KIF13A: variants seen among roughly 807,000 people sequenced by gnomAD.
KIF13A encodes the protein kinesin-like protein KIF13A.
In KIF13A, 79 loss-of-function variants were observed where a neutral mutation model predicts 212.2. That is an observed-to-expected ratio of 0.37 (90% CI 0.31 to 0.45). The LOEUF (loss-of-function observed/expected upper bound fraction) is 0.45. Among genes scored for constraint, KIF13A ranks in the 20% least tolerant of loss-of-function variants. KIF13A has a pLI of 1.00. For synonymous variants in KIF13A, 789 were observed against 808.6 expected (o/e 0.98, Z 0.41); for missense variants, 1,901 against 2,209.0 (o/e 0.86, Z 2.79).
In KIF13A at chr6:17,846,252, G is replaced by A. The variant is rs149631639; in HGVS notation, c.830+3125C>T. On this transcript the variant is annotated intron_variant, in intron 9 of 38. Transcript: ENST00000259711. Reference sequence around the variant, plus strand: ...ACTACAGGGGTGAGCCACTGCACCCGGCCAAGGCATACTAAATGTTTGCTG... The same window carrying A: ...ACTACAGGGGTGAGCCACTGCACCCAGCCAAGGCATACTAAATGTTTGCTG... 2.5e-3 allele frequency among the ~76,000 whole-genome samples: 376 copies of A among 151,630 alleles called. 3 individuals carry two copies. Among genetic ancestry groups the A allele is most frequent in the African/African-American group, 8.5e-3 (351 of 41,344 alleles).
intron 2 of KIF13A, among the ~76,000 whole-genome samples, chr6:17,979,511 G>A (rs1425712665): frequency 1.3e-5 from 2 of 152,136 alleles, no homozygotes; most frequent in Non-Finnish European, 2.9e-5. Context: ...AAATGCTTTT[G>A]GTGTGTGGGG....
intron 2 of KIF13A, among the ~76,000 whole-genome samples, chr6:17,932,504 T>C (rs1776075544): frequency 6.6e-6 from 1 of 152,224 alleles, no homozygotes; most frequent in African/African-American, 2.4e-5. Flanking sequence ...ATAAGGAACA[T>C]CTGCATTAGC....
chr6:17,952,614 C>T (rs928945212), intron 2 of KIF13A, among the ~76,000 whole-genome samples: 1 of 151,072 alleles, frequency 6.6e-6, no homozygotes, highest in Non-Finnish European at 1.5e-5. Context: ...GCACTCCAGT[C>T]TGGGTGACAG....
intron 2 of KIF13A, among the ~76,000 whole-genome samples, chr6:17,925,175 C>T (rs534604878): frequency 2.6e-5 from 4 of 152,200 alleles, no homozygotes; most frequent in Admixed American, 1.3e-4. Flanking sequence ...CTGAGGCAAG[C>T]GCATGCCTGG....
At position 17,911,868 on chromosome 6, in the gene KIF13A, G is replaced by C. The variant is rs574628167; in HGVS notation, c.147-13688C>G. On this transcript the variant is annotated intron_variant, in intron 2 of 38. Transcript: ENST00000259711. The stretch of plus-strand genomic sequence containing the variant: ...CAACCTCCACCTCCCGGGTTCAAGC[G>C]ATTCTCGTGAGTCAGCATCCCAAGT... 1.5e-4 allele frequency among the ~76,000 whole-genome samples: 23 copies of C among 151,700 alleles called. 1 individual carries two copies. In the South Asian group the frequency reaches 2.5e-3, roughly 16 times the overall value.
chr6:17,833,828 C>G (rs1265201336), intron 12 of KIF13A, 133 bp downstream of exon 12: 7 of 497,344 alleles, frequency 1.4e-5, no homozygotes, highest in Admixed American at 4.5e-5. Context: ...TGCACCCCAG[C>G]CTGGGCGACA....
At position 17,809,770 on chromosome 6, in the gene KIF13A, A is replaced by G. The variant is rs755916540; in HGVS notation, c.2001-840T>C. 4.6e-5 allele frequency among the ~76,000 whole-genome samples: 7 copies of G among 152,196 alleles called. No individual in the cohort carries two copies. The highest frequency in any genetic ancestry group is 8.8e-5 in the Non-Finnish European group (6 of 68,028). Reference sequence around the variant, plus strand: ...CCATCTAGCAATTGCTCTGTGTCATATATAACTTCTCTTTTCCACCATTTA... The same window carrying G: ...CCATCTAGCAATTGCTCTGTGTCATGTATAACTTCTCTTTTCCACCATTTA... On this transcript the variant is annotated intron_variant, in intron 17 of 38. Coordinates refer to ENST00000259711, the MANE Select transcript of KIF13A (RefSeq NM_022113.6). The surrounding 1 kb of genome is among the most constrained non-coding windows in gnomAD (Gnocchi z 4.7).
Position 17,967,361 on chromosome 6 carries a change from T to C in KIF13A, c.146+19693A>G, listed in dbSNP as rs1033443267. On this transcript the variant is annotated intron_variant, in intron 2 of 38. Transcript: ENST00000259711. This position sits in a 1 kb window ranked among gnomAD's most constrained non-coding sequence, Gnocchi z 4.1. ...ATGTTAAAAGAATGAGTAAACTGTA[T>C]TTTACCTCTAATATCTTATATTTTC... Among the ~76,000 whole-genome samples, 1 of 152,184 alleles carries C rather than the reference T, an allele frequency of 6.6e-6. No homozygotes were observed. Among genetic ancestry groups the C allele is most frequent in the African/African-American group, 2.4e-5 (1 of 41,442 alleles).
At chr6:17,941,270 T>C (rs1375687068) in intron 2 of KIF13A, among the ~76,000 whole-genome samples, 1 of 152,200 alleles carries the variant, frequency 6.6e-6, no homozygotes, top group Non-Finnish European at 1.5e-5. Flanking sequence ...TGCTATGAAC[T>C]CTGCCCTAAT....
At chr6:17,917,579 C>T (rs1469746451) in intron 2 of KIF13A, among the ~76,000 whole-genome samples, 1 of 152,022 alleles carries the variant, frequency 6.6e-6, no homozygotes, top group Non-Finnish European at 1.5e-5. Context: ...ATTCATCAAT[C>T]CTTACCACTA....
chr6:17,898,145 C>T lies in KIF13A; in HGVS notation c.159+23G>A, dbSNP rs755898017. On this transcript the variant is annotated intron_variant, in intron 3 of 38. Coordinates refer to ENST00000259711, the MANE Select transcript of KIF13A (RefSeq NM_022113.6). This position sits in a 1 kb window ranked among gnomAD's most constrained non-coding sequence, Gnocchi z 5.2. Reference sequence around the variant, plus strand: ...TTTGCACACTAAGCCAGTATACATGCCAAATTTCATATTAGTGCTTACCTT... The same window carrying T: ...TTTGCACACTAAGCCAGTATACATGTCAAATTTCATATTAGTGCTTACCTT... 3 of 1,611,014 alleles carry T rather than the reference C, an allele frequency of 1.9e-6. No homozygotes were observed. Among genetic ancestry groups the T allele is most frequent in the Admixed American group, 3.3e-5 (2 of 59,766 alleles).
intron 2 of KIF13A, among the ~76,000 whole-genome samples, chr6:17,902,185 T>C (rs1040957353): frequency 6.6e-6 from 1 of 152,106 alleles, no homozygotes; most frequent in Non-Finnish European, 1.5e-5. Context: ...GACACATAGG[T>C]TTGATTGCTG....
intron 16 of KIF13A, among the ~76,000 whole-genome samples, chr6:17,820,981 A>G (rs561961632): frequency 1.3e-5 from 2 of 152,312 alleles, no homozygotes; most frequent in East Asian, 3.9e-4. Context: ...GATGGAACAA[A>G]CTGGCACTAC....
chr6:17,875,838 G>A (rs937422474), intron 3 of KIF13A, among the ~76,000 whole-genome samples: 3 of 151,934 alleles, frequency 2.0e-5, no homozygotes, highest in Non-Finnish European at 2.9e-5. Context: ...TCCCCAAAGT[G>A]TGTTCTAAGG....
At chr6:17,865,166 C>A (rs1355786728) in intron 4 of KIF13A, among the ~76,000 whole-genome samples, 1 of 150,456 alleles carries the variant, frequency 6.6e-6, no homozygotes, top group Non-Finnish European at 1.5e-5. Context: ...CAGATCAGAC[C>A]TGGCATATGC....
intron 2 of KIF13A, among the ~76,000 whole-genome samples, chr6:17,925,643 G>C (rs1775432102): frequency 6.6e-6 from 1 of 152,116 alleles, no homozygotes; most frequent in South Asian, 2.1e-4. Context: ...ACAGTCCGTG[G>C]GCAGGAGCTG....
intron 2 of KIF13A, chr6:17,950,496 A>T (rs994934928): frequency 4.1e-6 from 4 of 985,190 alleles, no homozygotes; most frequent in Non-Finnish European, 4.8e-6. Context: ...TACACTCTTT[A>T]GGACCAACAG....
intron 2 of KIF13A, among the ~76,000 whole-genome samples, chr6:17,973,850 A>G (rs1196926585): frequency 6.6e-6 from 1 of 152,154 alleles, no homozygotes; most frequent in East Asian, 1.9e-4. Context: ...TTGTCACATC[A>G]TTACAGGACT....
rs562726738 is a variant in KIF13A, at chr6:17,896,380, G to A, written c.159+1788C>T. 1.4e-4 allele frequency among the ~76,000 whole-genome samples: 21 copies of A among 152,120 alleles called. No individual in the cohort carries two copies. The South Asian group carries it at 2.7e-3, about 20-fold the overall frequency. On this transcript the variant is annotated intron_variant, in intron 3 of 38. Coordinates refer to ENST00000259711, the MANE Select transcript of KIF13A (RefSeq NM_022113.6). ...TGATTGCTTATGCCCAAATCTCATCGTTTTAAATAAAATTTTATTCTTACA... is the reference window on the plus strand; with the variant it reads ...TGATTGCTTATGCCCAAATCTCATCATTTTAAATAAAATTTTATTCTTACA...
Sources: gnomAD v4.1 joint callset for allele counts (sites outside exome capture counted in the v4.1 genomes callset) on GRCh38, gnomAD v4.1.1 for gene constraint, Gnocchi (gnomAD v3.1) non-coding constraint, MANE v1.5 for transcripts, NCBI Gene and HGNC (gene_info 2026-07-23, HGNC 2026-07-21) for gene names.